PCDHA12: variants seen among roughly 807,000 people sequenced by gnomAD.
The protein encoded by PCDHA12 is protocadherin alpha-12.
In PCDHA12, 44 loss-of-function variants were observed where a neutral mutation model predicts 60.0. The observed-to-expected ratio is 0.73, with a 90% CI of 0.58 to 0.94. PCDHA12 has a LOEUF of 0.94. Among genes scored for constraint, PCDHA12 ranks in the 40% least tolerant of loss-of-function variants. The pLI is 0.00. For synonymous variants in PCDHA12, 569 were observed against 553.0 expected (o/e 1.03, Z -0.40); for missense variants, 1,276 against 1,239.7 (o/e 1.03, Z -0.44).
At position 140,875,768 on chromosome 5, in the gene PCDHA12, G is replaced by C. The variant is rs997656321; in HGVS notation, c.296G>C (p.Ser99Thr). 6.2e-7 allele frequency: 1 copy of C among 1,614,144 alleles called. No homozygotes were observed. The highest frequency in any genetic ancestry group is 1.3e-5 in the African/African-American group (1 of 74,954). ...RIDREKLCGRSAECSIHLEVI... is the reference protein window; with the variant it reads ...RIDREKLCGRTAECSIHLEVI... ...GACCGCGAGAAGCTGTGCGGGCGGAGCGCGGAGTGCAGTATCCACCTGGAG... is the reference window on the plus strand; with the variant it reads ...GACCGCGAGAAGCTGTGCGGGCGGACCGCGGAGTGCAGTATCCACCTGGAG... Residue 99 changes from serine to threonine, a missense_variant, in exon 1 of 4, where the codon AGC becomes ACC. Ser to Thr is a moderately conservative substitution (Grantham distance 58). Coordinates refer to ENST00000398631, the MANE Select transcript of PCDHA12 (RefSeq NM_018903.4).
chr5:141,002,120 T>C (rs1416494483), intron 3 of PCDHA12, among the ~76,000 whole-genome samples: 1 of 152,250 alleles, frequency 6.6e-6, no homozygotes, highest in African/African-American at 2.4e-5. Context: ...CTATAATCAT[T>C]TAATAGCCTT....
chr5:140,883,962 T>G, intron 1 of PCDHA12: 3 of 1,613,126 alleles, frequency 1.9e-6, no homozygotes, highest in Non-Finnish European at 2.5e-6. Context: ...GCTCCGGCGC[T>G]GCTGACGCCC....
chr5:140,875,608 G>C lies in PCDHA12; in HGVS notation c.136G>C (p.Gly46Arg). Residue 46 changes from glycine (G) to arginine (R), a missense_variant, in exon 1 of 4, where the codon GGC becomes CGC. Physicochemically the swap from Gly to Arg is moderately radical, Grantham distance 125. Coordinates refer to ENST00000398631, the MANE Select transcript of PCDHA12 (RefSeq NM_018903.4). ...YEEAKHGTFV[G>R]RIAQDLGLEL... ...GGAGGCCAAACACGGCACCTTCGTG[G>C]GCCGCATCGCTCAGGACCTGGGGCT... The C allele has an allele frequency of 6.2e-7, 1 of 1,613,844 alleles. No homozygotes were observed. Among genetic ancestry groups the C allele is most frequent in the Non-Finnish European group, 8.5e-7 (1 of 1,180,030 alleles).
intron 1 of PCDHA12, among the ~76,000 whole-genome samples, chr5:140,960,218 A>G (rs2095532618): frequency 6.6e-6 from 1 of 152,206 alleles, no homozygotes; most frequent in Non-Finnish European, 1.5e-5. Flanking sequence ...CAGGATCTCA[A>G]GAAACAGAGC....
chr5:140,882,071 A>T (rs2058936449), intron 1 of PCDHA12: 4 of 864,074 alleles, frequency 4.6e-6, no homozygotes, highest in Admixed American at 2.9e-5. Context: ...GTTCATGCGC[A>T]TGGTGTCGCT....
Position 140,884,467 on chromosome 5 carries a change from G to C in PCDHA12, c.2367+6628G>C, listed in dbSNP as rs199814121. 11 of 1,613,778 alleles carry C rather than the reference G, an allele frequency of 6.8e-6. No homozygotes were observed. The South Asian group carries it at 8.8e-5, about 13-fold the overall frequency. On this transcript the variant is annotated intron_variant, in intron 1 of 3. Transcript: ENST00000398631. ...CACCGCCCACCGAGGGCGCGTGCGC[G>C]CCGGGCAAGCCCACTCTAGTGTGCT...
At chr5:140,940,194 G>T (rs1455968152) in intron 1 of PCDHA12, among the ~76,000 whole-genome samples, 4 of 152,118 alleles carry the variant, frequency 2.6e-5, no homozygotes, top group East Asian at 1.9e-4. Context: ...TTTTACATGG[G>T]TGTAAAATTC....
At chr5:140,904,475 T>C (rs1034610314) in intron 1 of PCDHA12, among the ~76,000 whole-genome samples, 1 of 151,866 alleles carries the variant, frequency 6.6e-6, no homozygotes, top group Non-Finnish European at 1.5e-5. Context: ...TGGTGGCTAT[T>C]TGGTCTGATT....
Position 140,884,183 on chromosome 5 carries a change from G to T in PCDHA12, c.2367+6344G>T, listed in dbSNP as rs201206731. 6.2e-6 allele frequency: 10 copies of T among 1,613,306 alleles called. No individual in the cohort carries two copies. The East Asian group carries it at 6.7e-5, about 11-fold the overall frequency. The stretch of plus-strand genomic sequence containing the variant: ...GATCAGCACGACGCGCCCTCTGGAC[G>T]AGGTGGACGCGCCGCACCACCGCCT... On this transcript the variant is annotated intron_variant, in intron 1 of 3. Transcript: ENST00000398631.
intron 1 of PCDHA12, among the ~76,000 whole-genome samples, chr5:140,913,578 A>G (rs1206858917): frequency 2.0e-5 from 3 of 152,072 alleles, no homozygotes; most frequent in Non-Finnish European, 2.9e-5. Context: ...CATTTCAAAT[A>G]TATTTCTGCT....
chr5:140,945,813 C>T (rs10477097), intron 1 of PCDHA12, among the ~76,000 whole-genome samples: 2 of 152,084 alleles, frequency 1.3e-5, no homozygotes, highest in East Asian at 3.8e-4. Flanking sequence ...TTATCTCACA[C>T]TGTATACAAA....
chr5:140,893,297 A>G (rs553139850), intron 1 of PCDHA12, among the ~76,000 whole-genome samples: 4 of 152,154 alleles, frequency 2.6e-5, no homozygotes, highest in South Asian at 2.1e-4. Context: ...TGGTAGTTCT[A>G]TTTGTAGTTT....
intron 1 of PCDHA12, among the ~76,000 whole-genome samples, chr5:140,937,334 G>T (rs1459343291): frequency 3.3e-5 from 5 of 152,092 alleles, no homozygotes; most frequent in African/African-American, 1.2e-4. Flanking sequence ...ACCGCGCCCG[G>T]CTTCTTCCAT....
chr5:140,917,067 C>T (rs375970452), intron 1 of PCDHA12, among the ~76,000 whole-genome samples: 3 of 152,178 alleles, frequency 2.0e-5, no homozygotes, highest in African/African-American at 4.8e-5. Context: ...ACGACAGCAC[C>T]GAGTTTAATG....
In PCDHA12 at chr5:140,876,724, G is replaced by A. The variant is rs140611870; in HGVS notation, c.1252G>A (p.Val418Met). Residue 418 changes from valine (V) to methionine (M), a missense_variant, in exon 1 of 4, where the codon GTG becomes ATG. Val to Met is a conservative substitution (Grantham distance 21). Transcript: ENST00000398631. ...VLDSALDRESVSAYELVVTAR... is the reference protein window; with the variant it reads ...VLDSALDRESMSAYELVVTAR... The stretch of plus-strand genomic sequence containing the variant: ...GGACAGCGCCCTGGACCGCGAGAGC[G>A]TGTCGGCCTATGAGCTGGTGGTGAC... The A allele has an allele frequency of 2.3e-4, 378 of 1,614,246 alleles. 3 individuals are homozygous for A. In the East Asian group the frequency reaches 2.9e-3, roughly 13 times the overall value.
chr5:140,993,783 T>C (rs1402072576), intron 3 of PCDHA12, among the ~76,000 whole-genome samples: 2 of 152,230 alleles, frequency 1.3e-5, no homozygotes, highest in East Asian at 3.9e-4. Flanking sequence ...TTTTGTACAG[T>C]AACATGCTGT....
chr5:141,009,582 G>A, intron 3 of PCDHA12, 45 bp from the exon 4 acceptor site: 1 of 1,590,226 alleles, frequency 6.3e-7, no homozygotes, highest in Non-Finnish European at 8.6e-7. Context: ...GGCATCAAGA[G>A]CATGTGTTGA....
chr5:140,976,770 C>T (rs2096730456), intron 1 of PCDHA12, among the ~76,000 whole-genome samples: 1 of 152,162 alleles, frequency 6.6e-6, no homozygotes, highest in Non-Finnish European at 1.5e-5. Flanking sequence ...GCCTGCTAGA[C>T]TCTGACTATA....
intron 1 of PCDHA12, among the ~76,000 whole-genome samples, chr5:140,893,847 C>T (rs962788536): frequency 6.6e-6 from 1 of 152,134 alleles, no homozygotes; most frequent in African/African-American, 2.4e-5. Flanking sequence ...TGATGCCCTA[C>T]CTCTTGTATA....
Sources: allele counts gnomAD v4.1 joint callset (sites outside exome capture counted in the v4.1 genomes callset), GRCh38; gene constraint gnomAD v4.1.1; transcripts MANE v1.5; gene names NCBI Gene and HGNC (gene_info 2026-07-23, HGNC 2026-07-21).